The following GJB7 variants were observed in gnomAD, a reference collection of about 807,000 sequenced individuals.
GJB7 encodes the protein gap junction beta-7 protein.
For missense variants in GJB7, 253 were observed against 256.8 expected, an observed-to-expected ratio of 0.99 and a Z score of 0.10; for synonymous variants, 87 against 95.2, an observed-to-expected ratio of 0.91 and a Z score of 0.50.
chr6:87,293,147 T>C (rs1299540891), intron 2 of GJB7, among the ~76,000 whole-genome samples: 1 of 152,220 alleles, frequency 6.6e-6, no homozygotes, highest in Non-Finnish European at 1.5e-5. Context: ...TTCTCCTGAC[T>C]CAGCTTCCCG....
At chr6:87,314,497 A>C (rs752466826) in intron 2 of GJB7, among the ~76,000 whole-genome samples, 5 of 152,226 alleles carry the variant, frequency 3.3e-5, no homozygotes, top group Non-Finnish European at 7.3e-5. Context: ...ACCTTGAGAC[A>C]AGTTGTTTCT....
intron 2 of GJB7, among the ~76,000 whole-genome samples, chr6:87,301,965 G>A (rs77697842): frequency 6.6e-6 from 1 of 152,170 alleles, no homozygotes; most frequent in Admixed American, 6.5e-5. Flanking sequence ...TGCACCTGAG[G>A]GTCCTAACTG....
intron 2 of GJB7, among the ~76,000 whole-genome samples, chr6:87,313,721 T>C (rs769071231): frequency 2.0e-5 from 3 of 152,216 alleles, no homozygotes; most frequent in Non-Finnish European, 2.9e-5. Context: ...TATGACTTAT[T>C]TGGCAAATGG....
At chr6:87,311,073 A>G (rs994692968) in intron 2 of GJB7, among the ~76,000 whole-genome samples, 1 of 152,236 alleles carries the variant, frequency 6.6e-6, no homozygotes, top group Non-Finnish European at 1.5e-5. Context: ...AATTATAACC[A>G]TCAAGGAAAT....
chr6:87,292,023 G>A (rs1238589003), intron 2 of GJB7: 2 of 152,216 alleles, frequency 1.3e-5, no homozygotes, highest in African/African-American at 4.8e-5. Context: ...GTTTCCCTGA[G>A]AGCAAACTAG....
In GJB7 at chr6:87,301,488, G is replaced by A. The variant is rs564023869; in HGVS notation, c.-27-16549C>T. Among the ~76,000 whole-genome samples, 15 of 152,192 alleles carry A rather than the reference G, an allele frequency of 9.9e-5. No individual in the cohort carries two copies. In the South Asian group the frequency reaches 1.7e-3, roughly 17 times the overall value. The stretch of plus-strand genomic sequence containing the variant: ...GCAGCAGCGAGGGTGGGGGATGGGC[G>A]CCCGCCATTGCTGAGGCTTGAGTAG... On this transcript the variant is annotated intron_variant, in intron 2 of 2. Transcript: ENST00000525899.
intron 2 of GJB7, among the ~76,000 whole-genome samples, chr6:87,308,665 C>T (rs1166851969): frequency 1.3e-5 from 2 of 151,994 alleles, no homozygotes; most frequent in Non-Finnish European, 2.9e-5. Context: ...AGAATTTTCT[C>T]AATCATGCAA....
intron 2 of GJB7, among the ~76,000 whole-genome samples, chr6:87,301,363 C>T (rs1384631910): frequency 6.6e-6 from 1 of 152,196 alleles, no homozygotes; most frequent in Non-Finnish European, 1.5e-5. Context: ...TCTTAGCAAA[C>T]AGCACACCAG....
intron 1 of GJB7, among the ~76,000 whole-genome samples, chr6:87,324,018 T>C: frequency 6.6e-6 from 1 of 150,446 alleles, no homozygotes. Context: ...ATTTCTCTGA[T>C]GGCCAGTGAT....
intron 2 of GJB7, among the ~76,000 whole-genome samples, chr6:87,304,335 A>C (rs145678499): frequency 2.4e-3 from 361 of 152,354 alleles, no homozygotes; most frequent in African/African-American, 8.4e-3. Context: ...TAAAATGATA[A>C]AGGGGATATC....
At chr6:87,285,088 G>A in intron 2 of GJB7, 149 bp from the exon 3 acceptor site, 2 of 603,102 alleles carry the variant, frequency 3.3e-6, no homozygotes, top group South Asian at 4.2e-5. Context: ...CGAAGGATAT[G>A]CTGTCTTACA....
rs201802415 is a variant in GJB7 at position 87,284,518 on chromosome 6, G to T, written c.395C>A (p.Thr132Asn). Residue 132 changes from threonine to asparagine, a missense_variant, in exon 3 of 3, where the codon ACT (threonine) becomes AAT (asparagine). Coordinates refer to ENST00000525899, the MANE Select transcript of GJB7 (RefSeq NM_198568.3). ...AACAAGGAAGCCAATTTCAAAACCA[G>T]TTTTAACAATGAGGCTGATAAGATA... ...YAYLISLIVK[T>N]GFEIGFLVLF... is the part of the protein sequence containing the mutation. The T allele has an allele frequency of 6.2e-7, 1 of 1,613,974 alleles. No homozygotes were observed. The highest frequency in any genetic ancestry group is 1.3e-5 in the African/African-American group (1 of 74,904).
chr6:87,301,108 G>C (rs430861), intron 2 of GJB7, among the ~76,000 whole-genome samples: 92,562 of 152,012 alleles, frequency 0.61, 28,502 homozygotes, highest in African/African-American at 0.65. Context: ...ATGAGCGACA[G>C]AGAAGACGGG....
At chr6:87,288,171 G>T (rs1040719950) in intron 2 of GJB7, among the ~76,000 whole-genome samples, 4 of 152,094 alleles carry the variant, frequency 2.6e-5, no homozygotes, top group African/African-American at 9.7e-5. Context: ...GAAGTGCTGG[G>T]ATTACAGGCA....
At chr6:87,298,387 G>A (rs1776275652) in intron 2 of GJB7, among the ~76,000 whole-genome samples, 1 of 152,228 alleles carries the variant, frequency 6.6e-6, no homozygotes, top group South Asian at 2.1e-4. Context: ...GTTGAGGACT[G>A]AAGTTGAGCT....
intron 2 of GJB7, among the ~76,000 whole-genome samples, chr6:87,304,413 T>G (rs1412826828): frequency 6.6e-6 from 1 of 152,152 alleles, no homozygotes; most frequent in African/African-American, 2.4e-5. Flanking sequence ...ACAAATAAAC[T>G]AGAAAATCTA....
chr6:87,326,360 G>C (rs1417204959), intron 1 of GJB7, among the ~76,000 whole-genome samples: 1 of 152,088 alleles, frequency 6.6e-6, no homozygotes, highest in East Asian at 1.9e-4. Context: ...TGTGATGTTA[G>C]GGTGTCAATT....
intron 2 of GJB7, among the ~76,000 whole-genome samples, chr6:87,304,450 A>T (rs578023050): frequency 1.3e-5 from 2 of 152,232 alleles, no homozygotes; most frequent in African/African-American, 4.8e-5. Context: ...TTCTGGACAC[A>T]TACACCCTCC....
intron 2 of GJB7, among the ~76,000 whole-genome samples, chr6:87,313,595 G>A (rs530162052): frequency 6.6e-6 from 1 of 152,278 alleles, no homozygotes; most frequent in South Asian, 2.1e-4. Context: ...TGGTTGTTAT[G>A]TCTGTTGTGT....
Sources: allele counts gnomAD v4.1 joint callset (sites outside exome capture counted in the v4.1 genomes callset), GRCh38; gene constraint gnomAD v4.1.1; transcripts MANE v1.5; gene names NCBI Gene and HGNC (gene_info 2026-07-23, HGNC 2026-07-21).